MTUS2: variants seen among roughly 807,000 people sequenced by gnomAD.
The protein encoded by MTUS2 is microtubule-associated tumor suppressor candidate 2.
MTUS2 carries 40 observed loss-of-function variants against 114.1 expected under a neutral mutation model. That is an observed-to-expected ratio of 0.35 (90% CI 0.27 to 0.46). The LOEUF (loss-of-function observed/expected upper bound fraction) is 0.46. MTUS2 is among the 20% of genes least tolerant of loss of function. The pLI is 1.00. For missense variants in MTUS2, 1,679 were observed against 1,705.4 expected, an observed-to-expected ratio of 0.98 and a Z score of 0.27; for synonymous variants, 688 against 672.0, an observed-to-expected ratio of 1.02 and a Z score of -0.37.
intron 5 of MTUS2, among the ~76,000 whole-genome samples, chr13:29,141,450 G>A (rs1031887873): frequency 6.6e-6 from 1 of 152,148 alleles, no homozygotes; most frequent in African/African-American, 2.4e-5. Context: ...CTGTTGGAGA[G>A]GTGCAGATAA....
intron 2 of MTUS2, among the ~76,000 whole-genome samples, chr13:28,926,684 T>G (rs1391259165): frequency 6.6e-6 from 1 of 152,266 alleles, no homozygotes; most frequent in African/African-American, 2.4e-5. Flanking sequence ...TAGTTGATTG[T>G]GCATTCTGAT....
intron 2 of MTUS2, among the ~76,000 whole-genome samples, chr13:28,994,162 T>C (rs531951030): frequency 6.6e-6 from 1 of 152,304 alleles, no homozygotes; most frequent in East Asian, 1.9e-4. Flanking sequence ...TTTGGTTTTT[T>C]GTCCTTGGGA....
chr13:29,007,760 C>G (rs1351450792), intron 2 of MTUS2, among the ~76,000 whole-genome samples: 4 of 152,148 alleles, frequency 2.6e-5, no homozygotes, highest in Non-Finnish European at 5.9e-5. Context: ...TTCCCTCTCG[C>G]TTTACTTTAT....
At chr13:29,400,397 A>T (rs1459524576) in intron 8 of MTUS2, among the ~76,000 whole-genome samples, 1 of 152,262 alleles carries the variant, frequency 6.6e-6, no homozygotes, top group Non-Finnish European at 1.5e-5. Flanking sequence ...CCCTCGCAGC[A>T]TTTATGAATC....
intron 2 of MTUS2, among the ~76,000 whole-genome samples, chr13:28,892,258 C>T (rs1013912295): frequency 3.3e-5 from 5 of 152,104 alleles, no homozygotes; most frequent in Admixed American, 6.6e-5. Context: ...TGAATGATCA[C>T]ATGTGTGCGG....
intron 2 of MTUS2, among the ~76,000 whole-genome samples, chr13:29,017,484 C>T (rs185901700): frequency 5.3e-5 from 8 of 152,308 alleles, no homozygotes; most frequent in South Asian, 4.2e-4. Flanking sequence ...CTCAATCTTT[C>T]GAAACCCATG....
intron 7 of MTUS2, among the ~76,000 whole-genome samples, chr13:29,340,711 C>A (rs911970056): frequency 3.9e-5 from 6 of 152,022 alleles, no homozygotes; most frequent in Admixed American, 2.0e-4. Flanking sequence ...TGTATAAGTT[C>A]TTTAGTGGTG....
chr13:29,322,531 G>A (rs764975779), intron 6 of MTUS2, among the ~76,000 whole-genome samples: 8 of 152,168 alleles, frequency 5.3e-5, no homozygotes, highest in Non-Finnish European at 1.2e-4. Context: ...CAAAGTTTGT[G>A]TTCTGGTGGG....
intron 5 of MTUS2, among the ~76,000 whole-genome samples, chr13:29,103,669 ATGTGT>A (rs905673967): frequency 6.6e-6 from 1 of 152,166 alleles, no homozygotes; most frequent in African/African-American, 2.4e-5. Flanking sequence ...AACGTGAGTA[ATGTGT>A]TGTGCTATGA....
intron 2 of MTUS2, among the ~76,000 whole-genome samples, chr13:28,888,371 A>C (rs1234624304): frequency 6.6e-6 from 1 of 151,938 alleles, no homozygotes; most frequent in African/African-American, 2.4e-5. Context: ...CAGAATGAGA[A>C]TATATCAGAT....
chr13:28,972,132 C>G (rs943456242), intron 2 of MTUS2, among the ~76,000 whole-genome samples: 2 of 152,304 alleles, frequency 1.3e-5, no homozygotes, highest in East Asian at 1.9e-4. Flanking sequence ...TTGCGTAGAT[C>G]AAAGCCATTT....
rs920083915 is a variant in MTUS2, at chr13:29,505,652, T to A, written c.*2446T>A. ...TCCCCTTCCAGGCTGGAGCGACGTT[T>A]CCACGTTCGGATGCTGCAGCCTCTG... is the stretch of plus-strand genomic sequence containing the variant. On this transcript the variant is annotated 3_prime_UTR_variant, in exon 16 of 16. Coordinates refer to ENST00000612955, the MANE Select transcript of MTUS2 (RefSeq NM_001033602.4). 2 of 231,040 alleles carry A rather than the reference T, an allele frequency of 8.7e-6. No individual in the cohort carries two copies. The highest frequency in any genetic ancestry group is 1.7e-5 in the Non-Finnish European group (2 of 116,666). 14.3% of individuals were successfully genotyped at this position (231,040 alleles called of 1,614,324 possible). A position where few individuals can be genotyped will look rare whatever the true frequency, so the allele number is the denominator to read the frequency against.
intron 6 of MTUS2, among the ~76,000 whole-genome samples, chr13:29,284,236 G>A (rs958908337): frequency 2.0e-5 from 3 of 152,152 alleles, no homozygotes; most frequent in African/African-American, 7.2e-5. Flanking sequence ...CATGAATGGG[G>A]AAATAGCTCT....
At chr13:29,488,246 G>A (rs946880701) in intron 11 of MTUS2, 77 of 505,760 alleles carry the variant, frequency 1.5e-4, no homozygotes, top group African/African-American at 2.7e-4. Context: ...GGAATTCCCC[G>A]TCCCCTGGGG....
At chr13:29,181,558 C>T (rs1894005327) in intron 5 of MTUS2, among the ~76,000 whole-genome samples, 1 of 152,162 alleles carries the variant, frequency 6.6e-6, no homozygotes, top group African/African-American at 2.4e-5. Context: ...GCAGGAGCTC[C>T]TCACTTTGCT....
chr13:28,996,445 A>C (rs1022526896), intron 2 of MTUS2, among the ~76,000 whole-genome samples: 1 of 152,010 alleles, frequency 6.6e-6, no homozygotes, highest in Non-Finnish European at 1.5e-5. Flanking sequence ...CTCTTTTTCT[A>C]TTGATTGGAA....
At chr13:28,947,110 C>G (rs1184089868) in intron 2 of MTUS2, among the ~76,000 whole-genome samples, 1 of 152,194 alleles carries the variant, frequency 6.6e-6, no homozygotes, top group Non-Finnish European at 1.5e-5. Flanking sequence ...TGAGTTCACT[C>G]TCCTTACTGT....
chr13:28,924,320 CTG>C (rs1881210202), intron 2 of MTUS2, among the ~76,000 whole-genome samples: 1 of 152,178 alleles, frequency 6.6e-6, no homozygotes, highest in African/African-American at 2.4e-5. Context: ...AAAAGTGAGT[CTG>C]TGCCGTTTTA....
intron 2 of MTUS2, among the ~76,000 whole-genome samples, chr13:28,973,755 T>TA (rs1418538632): frequency 6.6e-6 from 1 of 152,136 alleles, no homozygotes; most frequent in Non-Finnish European, 1.5e-5. Flanking sequence ...ACAAGAAAAA[T>TA]AAAGCATGTG....
Sources: allele counts gnomAD v4.1 joint callset (sites outside exome capture counted in the v4.1 genomes callset), GRCh38; gene constraint gnomAD v4.1.1; transcripts MANE v1.5; gene names NCBI Gene and HGNC (gene_info 2026-07-23, HGNC 2026-07-21).